Variants in CCDC30 observed in about 807,000 individuals in gnomAD.
CCDC30 encodes the protein coiled-coil domain containing 30, also known as coiled-coil domain-containing protein 30.
Under a neutral mutation model 100.2 loss-of-function variants are expected in CCDC30, and 70 were observed. That is an observed-to-expected ratio of 0.70 (90% CI 0.58 to 0.85). The LOEUF (loss-of-function observed/expected upper bound fraction) is 0.85, where lower values mean the gene tolerates loss of function less well. CCDC30 is among the 40% of genes least tolerant of loss of function. The pLI, the probability that CCDC30 is intolerant of heterozygous loss-of-function variation, is 0.00. For missense variants in CCDC30, 652 were observed against 771.2 expected, an observed-to-expected ratio of 0.85 and a Z score of 1.83; for synonymous variants, 233 against 269.5, an observed-to-expected ratio of 0.86 and a Z score of 1.33.
chr1:42,525,285 T>G (rs1201178078), intron 6 of CCDC30, among the ~76,000 whole-genome samples: 1 of 152,212 alleles, frequency 6.6e-6, no homozygotes, highest in East Asian at 1.9e-4. Context: ...TGTGTTTACA[T>G]CCTTTGGTAT....
At chr1:42,566,862 A>G (rs1645616984) in intron 7 of CCDC30, among the ~76,000 whole-genome samples, 1 of 152,184 alleles carries the variant, frequency 6.6e-6, no homozygotes, top group East Asian at 1.9e-4. Flanking sequence ...TCGTGGGAGA[A>G]CAAAGTTGTT....
intron 6 of CCDC30, among the ~76,000 whole-genome samples, chr1:42,513,267 C>T (rs1644507098): frequency 6.6e-6 from 1 of 152,108 alleles, no homozygotes; most frequent in Non-Finnish European, 1.5e-5. Flanking sequence ...AAGGGAAAAG[C>T]TGACCTGCAG....
intron 7 of CCDC30, 68 bp from the exon 12 acceptor site, chr1:42,576,952 G>A (rs1159139006): frequency 3.4e-6 from 4 of 1,189,332 alleles, no homozygotes; most frequent in African/African-American, 3.1e-5. Context: ...TCCTTTGAAA[G>A]CTGCTTATTC....
the CCDC30 span, chr1:42,456,557 G>A: frequency 4.4e-5 from 65 of 1,464,234 alleles, no homozygotes; most frequent in East Asian, 7.6e-5. Context: ...GCCGGCCGCT[G>A]CGCTGCAGAT....
chr1:42,459,023 C>T (rs72637933), upstream of CCDC30, among the ~76,000 whole-genome samples: 17,824 of 152,174 alleles, frequency 0.12, 1,261 homozygotes, highest in East Asian at 0.27. Context: ...AATAAAGGGA[C>T]ATGCTTGAGA....
intron 11 of CCDC30, among the ~76,000 whole-genome samples, chr1:42,621,969 T>C (rs1646846862): frequency 1.3e-5 from 2 of 152,144 alleles, no homozygotes; most frequent in Non-Finnish European, 2.9e-5. Context: ...TATTTTTAAA[T>C]GTACAATCTA....
upstream of CCDC30, chr1:42,460,171 T>C: frequency 8.2e-7 from 1 of 1,213,434 alleles, no homozygotes; most frequent in Non-Finnish European, 1.0e-6. Context: ...GGGAATTATA[T>C]ATTCCTTAAA....
chr1:42,535,484 T>C (rs1644877468), intron 6 of CCDC30, among the ~76,000 whole-genome samples: 1 of 150,480 alleles, frequency 6.6e-6, no homozygotes, highest in Admixed American at 6.7e-5. Context: ...AGTTACAAAA[T>C]ATAGATGTGC....
At chr1:42,496,716 G>C (rs1360482861) in intron 4 of CCDC30, among the ~76,000 whole-genome samples, 1 of 152,116 alleles carries the variant, frequency 6.6e-6, no homozygotes, top group Non-Finnish European at 1.5e-5. Flanking sequence ...GGACTAGGAG[G>C]TATGTAAAAG....
rs1365230741 is a variant in CCDC30 at position 42,628,232 on chromosome 1, G to A, written c.1278-9005G>A. On this transcript the variant is annotated intron_variant, in intron 11 of 16. Coordinates refer to ENST00000668663, the Ensembl canonical transcript of CCDC30. ...CTTGCCTGGGCCCTGTAACCCCTTTGTTTTAGCTAATTTCTCCCATTTGGA... is the reference window on the plus strand; with the variant it reads ...CTTGCCTGGGCCCTGTAACCCCTTTATTTTAGCTAATTTCTCCCATTTGGA... Among the ~76,000 whole-genome samples, 4 of 152,090 alleles carry A rather than the reference G, an allele frequency of 2.6e-5. No individual in the cohort carries two copies. The East Asian group carries it at 5.8e-4, about 22-fold the overall frequency.
intron 6 of CCDC30, among the ~76,000 whole-genome samples, chr1:42,522,366 TCTTA>T (rs1257738139): frequency 2.0e-5 from 3 of 151,942 alleles, no homozygotes; most frequent in East Asian, 1.9e-4. Flanking sequence ...AAAAGGGGGG[TCTTA>T]CTTCTGTCAT....
At chr1:42,523,792 T>G (rs914976629) in intron 6 of CCDC30, among the ~76,000 whole-genome samples, 2 of 152,214 alleles carry the variant, frequency 1.3e-5, no homozygotes, top group African/African-American at 4.8e-5. Flanking sequence ...GTTGTTATTG[T>G]TCCTCAAACT....
At chr1:42,588,909 C>T (rs917107109) in intron 9 of CCDC30, among the ~76,000 whole-genome samples, 6 of 152,098 alleles carry the variant, frequency 3.9e-5, no homozygotes, top group African/African-American at 1.4e-4. Flanking sequence ...TCATTTATAG[C>T]AGTGTTAATG....
rs571686688 is a variant in CCDC30, at chr1:42,478,217, A to C, written c.-91-2244A>C. Among the ~76,000 whole-genome samples the C allele has an allele frequency of 2.6e-5, 4 of 152,346 alleles. No homozygotes were observed. In the East Asian group the frequency reaches 7.7e-4, roughly 29 times the overall value. On this transcript the variant is annotated intron_variant, in intron 1 of 16. Transcript: ENST00000668663. ...AGAAAAATTACTCTAGCAACAGTAG[A>C]GGGATGGATTACATAGGGACCAGAT...
intron 1 of CCDC30, among the ~76,000 whole-genome samples, chr1:42,468,947 A>T (rs553754999): frequency 6.6e-6 from 1 of 152,166 alleles, no homozygotes; most frequent in Non-Finnish European, 1.5e-5. Context: ...GGAGGAACCC[A>T]GGAAGCATAC....
At chr1:42,629,184 T>A (rs1211604289) in intron 11 of CCDC30, among the ~76,000 whole-genome samples, 1 of 152,246 alleles carries the variant, frequency 6.6e-6, no homozygotes, top group African/African-American at 2.4e-5. Context: ...ATTGAAGTAC[T>A]CCCTTTAGCT....
At chr1:42,508,134 G>A (rs1644423257) in intron 6 of CCDC30, among the ~76,000 whole-genome samples, 3 of 152,152 alleles carry the variant, frequency 2.0e-5, no homozygotes, top group Non-Finnish European at 4.4e-5. Context: ...GACCTTGGAG[G>A]AACACGACTA....
chr1:42,555,896 G>T (rs12564455), intron 6 of CCDC30, among the ~76,000 whole-genome samples: 20,629 of 152,030 alleles, frequency 0.14, 1,534 homozygotes, highest in East Asian at 0.17. Flanking sequence ...CACCATGTTG[G>T]CCAGGCTCGT....
At chr1:42,633,971 A>G (rs1308836185) in intron 11 of CCDC30, among the ~76,000 whole-genome samples, 2 of 152,058 alleles carry the variant, frequency 1.3e-5, no homozygotes, top group East Asian at 3.9e-4. Context: ...GTAAAAGGGG[A>G]AAAACCCCTT....
Sources: gnomAD v4.1 joint callset for allele counts (sites outside exome capture counted in the v4.1 genomes callset) on GRCh38, gnomAD v4.1.1 for gene constraint, MANE v1.5 for transcripts, NCBI Gene and HGNC (gene_info 2026-07-23, HGNC 2026-07-21) for gene names.